The following MACROD2 variants were observed in gnomAD, a reference collection of about 807,000 sequenced individuals.
The protein encoded by MACROD2 is ADP-ribose glycohydrolase MACROD2.
MACROD2 carries 36 observed loss-of-function variants against 70.4 expected under a neutral mutation model. The ratio of observed to expected loss-of-function variants is 0.51; its 90% CI spans 0.39 to 0.68. The LOEUF (loss-of-function observed/expected upper bound fraction) is 0.68. Ranked by LOEUF, MACROD2 falls within the 30% of genes least tolerant of loss-of-function variation. The pLI is 0.00. For missense variants in MACROD2, 496 were observed against 538.4 expected (o/e 0.92, Z 0.78); for synonymous variants, 172 against 178.8 (o/e 0.96, Z 0.30).
chr20:15,771,843 G>C (rs894598147), intron 8 of MACROD2, among the ~76,000 whole-genome samples: 1 of 151,108 alleles, frequency 6.6e-6, no homozygotes, highest in Non-Finnish European at 1.5e-5. Flanking sequence ...CCAGCACTTT[G>C]GGAGGCCGAG....
At chr20:15,573,865 A>T (rs1029511375) in intron 8 of MACROD2, among the ~76,000 whole-genome samples, 2 of 152,100 alleles carry the variant, frequency 1.3e-5, no homozygotes, top group African/African-American at 2.4e-5. Context: ...GGCATCTGTG[A>T]CAATTTCACT....
chr20:15,777,652 C>CTT (rs1555778396), intron 8 of MACROD2, among the ~76,000 whole-genome samples: 9 of 135,060 alleles, frequency 6.7e-5, no homozygotes, highest in South Asian at 5.1e-4. Flanking sequence ...CTCTCTCTCT[C>CTT]TCTTTCTTTC....
At chr20:15,074,818 A>C (rs923558935) in intron 5 of MACROD2, among the ~76,000 whole-genome samples, 1 of 152,162 alleles carries the variant, frequency 6.6e-6, no homozygotes, top group South Asian at 2.1e-4. Flanking sequence ...CACACACTTC[A>C]GTTTTTACTA....
chr20:16,026,541 C>T (rs571842307), intron 15 of MACROD2, among the ~76,000 whole-genome samples: 1 of 152,288 alleles, frequency 6.6e-6, no homozygotes, highest in South Asian at 2.1e-4. Flanking sequence ...TTTCACCTGC[C>T]TCTGCAAGGC....
chr20:15,342,017 G>C (rs1478713076), intron 6 of MACROD2, among the ~76,000 whole-genome samples: 1 of 152,008 alleles, frequency 6.6e-6, no homozygotes, highest in African/African-American at 2.4e-5. Flanking sequence ...TCACACCACT[G>C]TACTTCAGCC....
chr20:15,659,689 C>A (rs1292217652), intron 8 of MACROD2, among the ~76,000 whole-genome samples: 1 of 152,050 alleles, frequency 6.6e-6, no homozygotes, highest in African/African-American at 2.4e-5. Context: ...ACAAAGAATA[C>A]CTGAGGCTGG....
chr20:15,599,151 C>T (rs576363581), intron 8 of MACROD2, among the ~76,000 whole-genome samples: 4 of 151,482 alleles, frequency 2.6e-5, no homozygotes, highest in South Asian at 4.2e-4. Flanking sequence ...GAGGCCAAGG[C>T]GGGCGGATCA....
intron 8 of MACROD2, among the ~76,000 whole-genome samples, chr20:15,571,283 G>A (rs1228898768): frequency 6.6e-6 from 1 of 152,132 alleles, no homozygotes; most frequent in African/African-American, 2.4e-5. Flanking sequence ...TTAGATTTAT[G>A]TAAGTCAAAG....
At chr20:15,496,080 A>T (rs571938282) in intron 7 of MACROD2, among the ~76,000 whole-genome samples, 1 of 152,286 alleles carries the variant, frequency 6.6e-6, no homozygotes, top group South Asian at 2.1e-4. Flanking sequence ...GAGAGACAAG[A>T]AAGGGCCAGC....
chr20:14,861,613 G>A (rs549457917), intron 5 of MACROD2, among the ~76,000 whole-genome samples: 1 of 151,944 alleles, frequency 6.6e-6, no homozygotes, highest in South Asian at 2.1e-4. Flanking sequence ...TGGGGAAAAT[G>A]GGTGAATAAC....
chr20:14,217,109 T>G (rs1400867175), intron 3 of MACROD2, among the ~76,000 whole-genome samples: 2 of 152,108 alleles, frequency 1.3e-5, no homozygotes, highest in Non-Finnish European at 2.9e-5. Flanking sequence ...ATGCTTTCAA[T>G]TTTTCCCCAT....
At chr20:15,891,852 G>A (rs1001095306) in intron 10 of MACROD2, among the ~76,000 whole-genome samples, 2 of 152,130 alleles carry the variant, frequency 1.3e-5, no homozygotes, top group African/African-American at 4.8e-5. Flanking sequence ...AATTGAAAGG[G>A]CCTGATGGGA....
intron 8 of MACROD2, among the ~76,000 whole-genome samples, chr20:15,828,084 A>G (rs931643027): frequency 6.6e-6 from 1 of 152,204 alleles, no homozygotes; most frequent in Non-Finnish European, 1.5e-5. Flanking sequence ...GCTGTAATTA[A>G]TAATGTGTTG....
chr20:15,027,833 A>G (rs929246357), intron 5 of MACROD2, among the ~76,000 whole-genome samples: 3 of 152,166 alleles, frequency 2.0e-5, no homozygotes, highest in African/African-American at 7.2e-5. Flanking sequence ...TCTCAAAATT[A>G]TGAATTCCCC....
At chr20:14,521,149 C>T (rs1021503350) in intron 4 of MACROD2, among the ~76,000 whole-genome samples, 1 of 152,188 alleles carries the variant, frequency 6.6e-6, no homozygotes, top group Admixed American at 6.5e-5. Context: ...ATAATGTCAT[C>T]TCTTCCATAT....
At chr20:16,016,599 G>A (rs6080092) in intron 15 of MACROD2, among the ~76,000 whole-genome samples, 18,367 of 152,130 alleles carry the variant, frequency 0.12, 1,349 homozygotes, top group Middle Eastern at 0.19. Context: ...ACAGTGGCGC[G>A]ATCTCGGCTA....
At chr20:14,508,377 A>G (rs543181092) in intron 4 of MACROD2, among the ~76,000 whole-genome samples, 5 of 151,940 alleles carry the variant, frequency 3.3e-5, no homozygotes, top group South Asian at 2.1e-4. Context: ...ATACCTGTCA[A>G]ATTGTTATTT....
intron 6 of MACROD2, among the ~76,000 whole-genome samples, chr20:15,296,308 AAGAG>A (rs762124308): frequency 4.3e-4 from 66 of 152,290 alleles, no homozygotes; most frequent in Admixed American, 1.1e-3. Context: ...GGGGGATAGA[AAGAG>A]AGAGACAGAA....
At chr20:15,566,337 C>T (rs1187486468) in intron 8 of MACROD2, among the ~76,000 whole-genome samples, 5 of 151,820 alleles carry the variant, frequency 3.3e-5, no homozygotes, top group African/African-American at 1.2e-4. Context: ...TACTAAAAAA[C>T]AAAAATAAAA....
Sources: allele counts gnomAD v4.1 joint callset (sites outside exome capture counted in the v4.1 genomes callset), GRCh38; gene constraint gnomAD v4.1.1; transcripts MANE v1.5; gene names NCBI Gene and HGNC (gene_info 2026-07-23, HGNC 2026-07-21).